TTLL11: variants seen among roughly 807,000 people sequenced by gnomAD.
The protein encoded by TTLL11 is tubulin tyrosine ligase like 11.
In TTLL11, 42 loss-of-function variants were observed where a neutral mutation model predicts 51.7. The observed-to-expected ratio is 0.81, with a 90% CI of 0.64 to 1.05. TTLL11 has a LOEUF of 1.05. Among genes scored for constraint, TTLL11 ranks in the 50% least tolerant of loss-of-function variants. The pLI is 0.00. For missense variants in TTLL11, 799 were observed against 940.4 expected (o/e 0.85, Z 1.97); for synonymous variants, 381 against 383.5 (o/e 0.99, Z 0.08).
At chr9:121,856,451 A>G in intron 8 of TTLL11, among the ~76,000 whole-genome samples, 1 of 152,202 alleles carries the variant, frequency 6.6e-6, no homozygotes, top group Admixed American at 6.5e-5. Context: ...TGGGAATAAC[A>G]ATGCTTATCT....
rs1419348924 is a variant in TTLL11, at chr9:122,092,535, T to C, written c.462+152A>G. 3 of 1,428,442 alleles carry C rather than the reference T, an allele frequency of 2.1e-6. No homozygotes were observed. The East Asian group carries it at 7.9e-5, about 37-fold the overall frequency. The allele number at this position is 1,428,442 out of a possible 1,614,324, so 88.5% of individuals were successfully genotyped here. On this transcript the variant is annotated intron_variant, in intron 1 of 8. Coordinates refer to ENST00000321582, the MANE Select transcript of TTLL11 (RefSeq NM_001139442.2). ...ATTTTGGGGGGTAGGCCTTGAAGGA[T>C]GAGCACTTTGCGGCTGACAAGCAGG...
chr9:121,969,059 G>T (rs575092532), intron 6 of TTLL11, among the ~76,000 whole-genome samples: 2 of 149,810 alleles, frequency 1.3e-5, no homozygotes, highest in Non-Finnish European at 3.0e-5. Flanking sequence ...TAGTAGAGAT[G>T]GGGTTTCACC....
chr9:121,834,170 G>A (rs991947088), intron 8 of TTLL11, among the ~76,000 whole-genome samples: 2 of 152,176 alleles, frequency 1.3e-5, no homozygotes, highest in Non-Finnish European at 2.9e-5. Context: ...TTCATCACAG[G>A]AATCTCAGCC....
At chr9:122,054,105 T>A (rs1366234748) in intron 1 of TTLL11, among the ~76,000 whole-genome samples, 1 of 126,858 alleles carries the variant, frequency 7.9e-6, no homozygotes, top group Non-Finnish European at 1.7e-5. Flanking sequence ...GTGCCATTCA[T>A]CCTTCACTGA....
chr9:121,939,743 C>A (rs1841369489), intron 6 of TTLL11, among the ~76,000 whole-genome samples: 1 of 152,148 alleles, frequency 6.6e-6, no homozygotes, highest in South Asian at 2.1e-4. Context: ...AAACTTCAGA[C>A]CCCAGCACTG....
At chr9:121,908,694 A>T (rs1228438854) in intron 6 of TTLL11, among the ~76,000 whole-genome samples, 1 of 152,186 alleles carries the variant, frequency 6.6e-6, no homozygotes, top group Non-Finnish European at 1.5e-5. Context: ...AGACATGCAG[A>T]TGTGCTGCTT....
intron 1 of TTLL11, among the ~76,000 whole-genome samples, chr9:122,061,741 G>A (rs576263316): frequency 2.8e-4 from 43 of 152,114 alleles, no homozygotes; most frequent in African/African-American, 8.4e-4. Context: ...GGGTTAAAGC[G>A]ATTCTCTTGT....
Position 122,089,135 on chromosome 9 carries a change from G to C in TTLL11, c.462+3552C>G, listed in dbSNP as rs556911660. Among the ~76,000 whole-genome samples the C allele has an allele frequency of 3.3e-5, 5 of 152,022 alleles. No homozygotes were observed. The South Asian group carries it at 1.0e-3, about 32-fold the overall frequency. ...CTGTTAAAGTGGACGGTGATATATA[G>C]CTCCTCACTATGCACCCATAAAAGG... On this transcript the variant is annotated intron_variant, in intron 1 of 8. Coordinates refer to ENST00000321582, the MANE Select transcript of TTLL11 (RefSeq NM_001139442.2).
Position 121,834,258 on chromosome 9 carries a change from C to A in TTLL11, c.1841-11379G>T, listed in dbSNP as rs1005241956. On this transcript the variant is annotated intron_variant, in intron 8 of 8. Transcript: ENST00000321582. The stretch of plus-strand genomic sequence containing the variant: ...CGGTTCCCCTAGACTTGACCACAAT[C>A]TCTCTAGGCCTGGGGCTGGGGTCTC... Among the ~76,000 whole-genome samples, 4 of 152,184 alleles carry A rather than the reference C, an allele frequency of 2.6e-5. No individual in the cohort carries two copies. The East Asian group carries it at 7.7e-4, about 29-fold the overall frequency.
At position 122,039,372 on chromosome 9, in the gene TTLL11, GAA is replaced by G; in HGVS notation, c.463-6_463-5del. 6.2e-7 allele frequency: 1 copy of G among 1,612,326 alleles called. No homozygotes were observed. The highest frequency in any genetic ancestry group is 8.5e-7 in the Non-Finnish European group (1 of 1,178,664). ...GCAAGCGCCGGCCAAATGGGAACTAGAAGAGAAAAAATGTGACTCGCAATAAG... is the reference window on the plus strand; with the variant it reads ...GCAAGCGCCGGCCAAATGGGAACTAGGAGAAAAAATGTGACTCGCAATAAG... On this transcript the variant is annotated splice_polypyrimidine_tract_variant and splice_region_variant and intron_variant, in intron 1 of 8. Transcript: ENST00000321582.
rs1836441282 is a variant in TTLL11 at position 121,817,361 on chromosome 9, A to C, written c.*5226T>G. 6.6e-6 allele frequency: 1 copy of C among 152,208 alleles called. No individual in the cohort carries two copies. The highest frequency in any genetic ancestry group is 2.4e-5 in the African/African-American group (1 of 41,456). 9.4% of individuals were successfully genotyped at this position (152,208 alleles called of 1,614,324 possible). On this transcript the variant is annotated 3_prime_UTR_variant, in exon 9 of 9. Coordinates refer to ENST00000321582, the MANE Select transcript of TTLL11 (RefSeq NM_001139442.2). The stretch of plus-strand genomic sequence containing the variant: ...TCTGTCTTGATGGATAACATTATTC[A>C]AGAAAGAGCTTTTACCTTCATCCCT...
intron 6 of TTLL11, among the ~76,000 whole-genome samples, chr9:121,914,482 T>C (rs1343916571): frequency 6.6e-6 from 1 of 152,244 alleles, no homozygotes; most frequent in Non-Finnish European, 1.5e-5. Flanking sequence ...GCTTAAAATC[T>C]GTAGGCAGGG....
chr9:121,962,468 G>A (rs1276839475), intron 6 of TTLL11, among the ~76,000 whole-genome samples: 2 of 152,152 alleles, frequency 1.3e-5, no homozygotes, highest in Admixed American at 6.5e-5. Context: ...CCAAGCCCAA[G>A]CTAGTGCAAG....
Position 121,974,035 on chromosome 9 carries a change from G to T in TTLL11, c.1455C>A (p.Asp485Glu), listed in dbSNP as rs576422152. ...GATTCTCTCTTTTCTTCTTAAGTGG[G>T]TCCATGAGGCGCAGAGTGTCTCTGA... ...AVIRDTLRLM[D>E]PLKKKRENQS... Residue 485 changes from aspartate to glutamate, a missense_variant, in exon 6 of 9, where the codon GAC becomes GAA. Physicochemically the swap from Asp to Glu is conservative, Grantham distance 45. Transcript: ENST00000321582. 2.6e-6 allele frequency: 4 copies of T among 1,551,654 alleles called. No individual in the cohort carries two copies. Among genetic ancestry groups the T allele is most frequent in the East Asian group, 4.9e-5 (2 of 40,908 alleles).
chr9:122,070,275 T>C (rs1845694809), intron 1 of TTLL11, among the ~76,000 whole-genome samples: 1 of 152,094 alleles, frequency 6.6e-6, no homozygotes, highest in Non-Finnish European at 1.5e-5. Flanking sequence ...ACAAAAGTTA[T>C]TCCAGGCCAA....
At chr9:121,869,836 G>A (rs1434035506) in intron 7 of TTLL11, among the ~76,000 whole-genome samples, 3 of 152,192 alleles carry the variant, frequency 2.0e-5, no homozygotes, top group Admixed American at 6.5e-5. Flanking sequence ...CTAGAAGCCA[G>A]TAAATGCTGC....
intron 1 of TTLL11, among the ~76,000 whole-genome samples, chr9:122,085,575 C>T (rs898881592): frequency 3.9e-5 from 6 of 152,126 alleles, no homozygotes; most frequent in Non-Finnish European, 8.8e-5. Flanking sequence ...GCTGGTCACA[C>T]CTGCTCTGAC....
chr9:121,895,563 CTGTGTGGT>C (rs1483805733), intron 6 of TTLL11, among the ~76,000 whole-genome samples: 1 of 145,566 alleles, frequency 6.9e-6, no homozygotes, highest in African/African-American at 2.6e-5. Flanking sequence ...ATGTGTGTGT[CTGTGTGGT>C]TGTGTGTTTG....
chr9:121,886,836 A>C (rs561477993), intron 6 of TTLL11, among the ~76,000 whole-genome samples: 2 of 152,264 alleles, frequency 1.3e-5, no homozygotes, highest in African/African-American at 4.8e-5. Context: ...TATCCTGGAA[A>C]CTTCTTTCCC....
Sources: gnomAD v4.1 joint callset for allele counts (sites outside exome capture counted in the v4.1 genomes callset) on GRCh38, gnomAD v4.1.1 for gene constraint, MANE v1.5 for transcripts, NCBI Gene and HGNC (gene_info 2026-07-23, HGNC 2026-07-21) for gene names.